The following GOLPH3 variants were observed in gnomAD, a reference collection of about 807,000 sequenced individuals.
GOLPH3 encodes golgi phosphoprotein 3.
A neutral mutation model predicts 28.5 loss-of-function variants in GOLPH3; 14 were observed. The ratio of observed to expected loss-of-function variants is 0.49; its 90% CI spans 0.32 to 0.77. GOLPH3 has a LOEUF of 0.77. Among genes scored for constraint, GOLPH3 ranks in the 30% least tolerant of loss-of-function variants. GOLPH3 has a pLI of 0.03. For missense variants in GOLPH3, 350 were observed against 393.7 expected (o/e 0.89, Z 0.94); for synonymous variants, 158 against 159.2 (o/e 0.99, Z 0.06).
At chr5:32,158,961 A>G (rs983922109) in intron 1 of GOLPH3, among the ~76,000 whole-genome samples, 10 of 152,224 alleles carry the variant, frequency 6.6e-5, no homozygotes, top group African/African-American at 2.4e-4. Context: ...AATTCTTAGG[A>G]AACCTTGTAA....
intron 1 of GOLPH3, among the ~76,000 whole-genome samples, chr5:32,145,917 A>G (rs2111861213): frequency 6.6e-6 from 1 of 152,308 alleles, no homozygotes; most frequent in South Asian, 2.1e-4. Context: ...GAAGCCAACA[A>G]AGACACACCA....
rs116321471 is a variant in GOLPH3, at chr5:32,164,210, A to G, written c.225+9600T>C. ...GATTTCTAAACCTCAACTAAGCACA[A>G]GCTTATAATTTTCCATAGTGACTTA... On this transcript the variant is annotated intron_variant, in intron 1 of 3. Coordinates refer to ENST00000265070, the MANE Select transcript of GOLPH3 (RefSeq NM_022130.4). 3.6e-3 allele frequency among the ~76,000 whole-genome samples: 553 copies of G among 152,266 alleles called. 2 individuals are homozygous for G. Among genetic ancestry groups the G allele is most frequent in the African/African-American group, 0.013 (522 of 41,548 alleles).
chr5:32,166,960 G>T (rs934763958), intron 1 of GOLPH3, among the ~76,000 whole-genome samples: 1 of 150,668 alleles, frequency 6.6e-6, no homozygotes, highest in African/African-American at 2.5e-5. Context: ...AAGTTATGCT[G>T]TTAGAAGGGG....
At chr5:32,168,185 A>T (rs6868295) in intron 1 of GOLPH3, among the ~76,000 whole-genome samples, 1,706 of 152,336 alleles carry the variant, frequency 0.011, 29 homozygotes, top group African/African-American at 0.039. Context: ...GAAATTCTGA[A>T]TACTTGTTGA....
chr5:32,160,301 C>A (rs561369447), intron 1 of GOLPH3, among the ~76,000 whole-genome samples: 2 of 152,244 alleles, frequency 1.3e-5, no homozygotes, highest in African/African-American at 4.8e-5. Context: ...TGGTCTCGAA[C>A]TCCTGGACTC....
At chr5:32,132,441 C>T (rs1445116975) in intron 3 of GOLPH3, among the ~76,000 whole-genome samples, 2 of 152,156 alleles carry the variant, frequency 1.3e-5, no homozygotes, top group African/African-American at 4.8e-5. Context: ...ATCTAAGCTC[C>T]ACTTCCTCTT....
chr5:32,156,528 T>C (rs945752187), intron 1 of GOLPH3, among the ~76,000 whole-genome samples: 1 of 151,922 alleles, frequency 6.6e-6, no homozygotes, highest in African/African-American at 2.4e-5. Context: ...CTGTTGTTTA[T>C]AAGTCACACT....
intron 1 of GOLPH3, among the ~76,000 whole-genome samples, chr5:32,158,058 ACACT>A (rs374052044): frequency 0.012 from 1,508 of 124,066 alleles, 197 homozygotes; most frequent in African/African-American, 0.034. Flanking sequence ...ACACACACAC[ACACT>A]GGGCAAAATC....
At chr5:32,130,334 A>T (rs1387842744) in intron 3 of GOLPH3, among the ~76,000 whole-genome samples, 2 of 152,234 alleles carry the variant, frequency 1.3e-5, no homozygotes, top group African/African-American at 4.8e-5. Flanking sequence ...ATAAAATAAT[A>T]AACAGCCAAA....
intron 2 of GOLPH3, among the ~76,000 whole-genome samples, chr5:32,140,933 C>T (rs1313687778): frequency 2.0e-5 from 3 of 151,986 alleles, no homozygotes; most frequent in East Asian, 1.9e-4. Context: ...AGGCCCAAGG[C>T]GAGCGGATCA....
chr5:32,157,473 C>T (rs146135199), intron 1 of GOLPH3, among the ~76,000 whole-genome samples: 60 of 152,286 alleles, frequency 3.9e-4, no homozygotes, highest in African/African-American at 1.3e-3. Context: ...GGGCAAACAA[C>T]GCCAGAGTAC....
chr5:32,126,063 C>A lies in GOLPH3; in HGVS notation c.*149G>T, dbSNP rs372592129. 3.9e-6 allele frequency: 3 copies of A among 776,040 alleles called. No individual in the cohort carries two copies. The highest frequency in any genetic ancestry group is 2.5e-5 in the Admixed American group (1 of 39,796). 48.1% of individuals were successfully genotyped at this position (776,040 alleles called of 1,614,324 possible). On this transcript the variant is annotated 3_prime_UTR_variant, in exon 4 of 4. Transcript: ENST00000265070. ...TCTCGTACCAGCAGAATCCTGTACA[C>A]GTACAAAAAAGAAAAAGCCACCCAC...
At chr5:32,133,441 T>C (rs1466530455) in intron 3 of GOLPH3, among the ~76,000 whole-genome samples, 1 of 152,184 alleles carries the variant, frequency 6.6e-6, no homozygotes, top group Admixed American at 6.5e-5. Context: ...GGAACCAAAT[T>C]ACAAATTCTA....
intron 1 of GOLPH3, among the ~76,000 whole-genome samples, chr5:32,165,996 T>C (rs1226199437): frequency 6.6e-6 from 1 of 152,176 alleles, no homozygotes; most frequent in Non-Finnish European, 1.5e-5. Flanking sequence ...AAACAAACAG[T>C]TCCTGTTTGG....
intron 2 of GOLPH3, among the ~76,000 whole-genome samples, chr5:32,142,895 G>A (rs910103239): frequency 2.7e-5 from 4 of 145,686 alleles, no homozygotes; most frequent in Non-Finnish European, 6.1e-5. Context: ...GCCCGGCCGC[G>A]CCTACTGGGA....
At chr5:32,154,944 G>A (rs1746385428) in intron 1 of GOLPH3, among the ~76,000 whole-genome samples, 1 of 152,042 alleles carries the variant, frequency 6.6e-6, no homozygotes, top group African/African-American at 2.4e-5. Flanking sequence ...TTAGCCAGGC[G>A]TGGTGGCATG....
intron 1 of GOLPH3, 146 bp downstream of exon 1, chr5:32,173,664 C>G: frequency 4.2e-6 from 2 of 477,736 alleles, no homozygotes; most frequent in Non-Finnish European, 6.6e-6. Flanking sequence ...CGCTCGGCGT[C>G]AGCTGGGCGC....
intron 2 of GOLPH3, 60 bp downstream of exon 2, chr5:32,143,689 A>G: frequency 7.0e-7 from 1 of 1,436,230 alleles, no homozygotes; most frequent in Admixed American, 2.6e-5. Flanking sequence ...TACTAGTAAA[A>G]ACATACATTT....
intron 1 of GOLPH3, among the ~76,000 whole-genome samples, chr5:32,160,623 G>T (rs1393378569): frequency 6.6e-6 from 1 of 152,172 alleles, no homozygotes; most frequent in Non-Finnish European, 1.5e-5. Context: ...AGATACAATG[G>T]TAGGCAAAAA....
Sources: gnomAD v4.1 joint callset for allele counts (sites outside exome capture counted in the v4.1 genomes callset) on GRCh38, gnomAD v4.1.1 for gene constraint, MANE v1.5 for transcripts, NCBI Gene and HGNC (gene_info 2026-07-23, HGNC 2026-07-21) for gene names.